CDH26: variants seen among roughly 807,000 people sequenced by gnomAD.
CDH26 encodes the protein cadherin-like protein 26.
A neutral mutation model predicts 90.3 loss-of-function variants in CDH26; 83 were observed. The ratio of observed to expected loss-of-function variants is 0.92; its 90% confidence interval spans 0.77 to 1.10. The LOEUF (loss-of-function observed/expected upper bound fraction) is 1.10, where lower values mean the gene tolerates loss of function less well. Ranked by LOEUF, CDH26 falls within the 50% of genes least tolerant of loss-of-function variation. CDH26 has a pLI of 0.00. For synonymous variants in CDH26, 397 were observed against 396.3 expected (o/e 1.00, Z -0.02); for missense variants, 1,013 against 1,037.6 (o/e 0.98, Z 0.33).
At chr20:59,976,080 A>G (rs1487321808) in intron 4 of CDH26, among the ~76,000 whole-genome samples, 1 of 152,226 alleles carries the variant, frequency 6.6e-6, no homozygotes, top group Non-Finnish European at 1.5e-5. Context: ...TCTCAAAATA[A>G]TTATTTGTTA....
At chr20:60,010,058 G>A (rs905201211) in intron 17 of CDH26, among the ~76,000 whole-genome samples, 21 of 152,062 alleles carry the variant, frequency 1.4e-4, no homozygotes, top group Admixed American at 1.3e-3. Context: ...CGCGCTTCTC[G>A]TGGGCACCAA....
At chr20:59,996,849 C>T (rs1317630437) in intron 13 of CDH26, 88 bp downstream of exon 13, 2 of 1,528,994 alleles carry the variant, frequency 1.3e-6, no homozygotes, top group African/African-American at 2.7e-5. Context: ...CATTGTGCCA[C>T]CTCTTAATTC....
chr20:59,989,159 A>T lies in CDH26; in HGVS notation c.1279A>T (p.Ile427Leu). The change falls in exon 9 of 18, where the codon ATA becomes TTA. Residue 427 changes from isoleucine to leucine, a missense_variant. By Grantham distance (5) the Ile-to-Leu change is conservative. Coordinates refer to ENST00000348616, the MANE Select transcript of CDH26 (RefSeq NM_177980.4). ...TAATGCCATGGATCCAGACAGCCAG[A>T]TAAGGTGAGAAGAGAGGGCCAAGAA... ...TFNAMDPDSQ[I>L]RYELVHDPAN... The T allele has an allele frequency of 1.9e-6, 3 of 1,614,174 alleles. No homozygotes were observed. Among genetic ancestry groups the T allele is most frequent in the Non-Finnish European group, 2.5e-6 (3 of 1,180,004 alleles).
rs2061998538 is a variant in CDH26 at position 60,026,427 on chromosome 20, G to GAGAGA, written c.948-4804_948-4803insAGAGA. The stretch of plus-strand genomic sequence containing the variant: ...GAGAGAGAGAGAGAGAGAGAGAGAG[G>GAGAGA]GAGAAGAGGAGGCAGAAGGGAGGTG... On this transcript the variant is annotated intron_variant, in intron 7 of 8. Transcript: ENST00000370991. Among the ~76,000 whole-genome samples the GAGAGA allele has an allele frequency of 2.7e-4, 31 of 116,880 alleles. 1 individual carries two copies. The highest frequency in any genetic ancestry group is 9.9e-4 in the African/African-American group (30 of 30,276). The allele number at this position is 116,880 out of a possible 152,430, so 76.7% of individuals were successfully genotyped here.
intron 7 of CDH26, chr20:60,031,122 C>T: frequency 9.9e-7 from 1 of 1,009,184 alleles, no homozygotes; most frequent in East Asian, 1.1e-4. Context: ...GTTGCCATGG[C>T]ATTTGTAAAC....
At chr20:59,995,565 G>A (rs1247518737) in intron 11 of CDH26, among the ~76,000 whole-genome samples, 1 of 152,208 alleles carries the variant, frequency 6.6e-6, no homozygotes, top group African/African-American at 2.4e-5. Context: ...TCTTTTCCCT[G>A]TAAAAAACGG....
intron 5 of CDH26, among the ~76,000 whole-genome samples, chr20:59,984,070 A>C (rs2061425321): frequency 6.6e-6 from 1 of 152,218 alleles, no homozygotes; most frequent in African/African-American, 2.4e-5. Context: ...AGAGATGTAG[A>C]CTTGCTGGTT....
intron 13 of CDH26, among the ~76,000 whole-genome samples, chr20:59,997,622 G>A (rs980810689): frequency 3.9e-5 from 6 of 152,242 alleles, no homozygotes; most frequent in Non-Finnish European, 7.3e-5. Flanking sequence ...AAAGCATTGT[G>A]AGCTCTCCTG....
chr20:59,982,234 G>A (rs1376152735), intron 4 of CDH26, among the ~76,000 whole-genome samples: 1 of 152,044 alleles, frequency 6.6e-6, no homozygotes. Context: ...ATGCGATTAC[G>A]TTGGTTACTT....
chr20:60,032,957 C>A (rs2062053520), intron 8 of CDH26, among the ~76,000 whole-genome samples: 1 of 151,650 alleles, frequency 6.6e-6, no homozygotes, highest in African/African-American at 2.4e-5. Context: ...ATGTAACTAA[C>A]CTGCACAATG....
chr20:59,966,533 TGCAAGTGCGTGA>T (rs1322721582), intron 1 of CDH26, among the ~76,000 whole-genome samples: 1 of 152,264 alleles, frequency 6.6e-6, no homozygotes, highest in Non-Finnish European at 1.5e-5. Context: ...TGGTTTTTCC[TGCAAGTGCGTGA>T]GCAAGTGCAT....
intron 1 of CDH26, among the ~76,000 whole-genome samples, chr20:59,965,878 A>AT (rs2061142308): frequency 6.6e-6 from 1 of 152,128 alleles, no homozygotes; most frequent in African/African-American, 2.4e-5. Context: ...CCTGCACATG[A>AT]TTTTAGAACA....
At chr20:60,024,511 A>T (rs1393161852) in intron 7 of CDH26, among the ~76,000 whole-genome samples, 8 of 152,230 alleles carry the variant, frequency 5.3e-5, no homozygotes, top group African/African-American at 1.7e-4. Context: ...CAAGTAACTT[A>T]TTACTTAGTT....
Position 59,994,302 on chromosome 20 carries a change from C to A in CDH26, c.1479C>A (p.Ile493=), listed in dbSNP as rs760726070. 2 of 1,613,864 alleles carry A rather than the reference C, an allele frequency of 1.2e-6. No homozygotes were observed. Among genetic ancestry groups the A allele is most frequent in the African/African-American group, 2.7e-5 (2 of 74,832 alleles). The part of the protein sequence containing the change: ...TGTLMLFLSD[I]NDNVPTLRPR... The stretch of plus-strand genomic sequence containing the variant: ...CCCTAATGCTCTTCCTGTCTGACAT[C>A]AATGACAACGTCCCGACTCTCCGGC... The change falls in exon 11 of 18, where the codon ATC becomes ATA. Residue 493 remains isoleucine, a synonymous_variant. Transcript: ENST00000348616.
intron 1 of CDH26, among the ~76,000 whole-genome samples, chr20:59,960,084 C>A (rs555192687): frequency 1.3e-5 from 2 of 152,118 alleles, no homozygotes; most frequent in African/African-American, 4.8e-5. Context: ...CTTCACAGCC[C>A]GCTGGGGACC....
chr20:59,999,492 T>G, intron 13 of CDH26, 94 bp from the exon 14 acceptor site: 1 of 1,023,406 alleles, frequency 9.8e-7, no homozygotes, highest in Non-Finnish European at 1.5e-6. Flanking sequence ...AGATACAATG[T>G]GTTTTGGAGA....
chr20:60,006,905 C>A, intron 17 of CDH26, 118 bp downstream of exon 17: 1 of 736,950 alleles, frequency 1.4e-6, no homozygotes, highest in South Asian at 1.6e-5. Context: ...CTAAGGCTGC[C>A]ATAATAAAAT....
At position 59,987,593 on chromosome 20, in the gene CDH26, T is replaced by C; in HGVS notation, c.978T>C (p.Ile326=). Residue 326 remains isoleucine (I), a synonymous_variant, in exon 8 of 18, where the codon ATT becomes ATC. Coordinates refer to ENST00000348616, the MANE Select transcript of CDH26 (RefSeq NM_177980.4). ...GCAATGAAGAGGGGCATTTTGACAT[T>C]TCGACTGACCCTGAGACCAACGAAG... ...LHGNEEGHFD[I]STDPETNEGI... 1 of 1,613,874 alleles carries C rather than the reference T, an allele frequency of 6.2e-7. No homozygotes were observed. Among genetic ancestry groups the C allele is most frequent in the Middle Eastern group, 1.7e-4 (1 of 6,058 alleles).
downstream of CDH26, among the ~76,000 whole-genome samples, chr20:60,018,231 G>C (rs2061921822): frequency 6.6e-6 from 1 of 151,926 alleles, no homozygotes; most frequent in East Asian, 1.9e-4. Flanking sequence ...TTGTATTGGG[G>C]CTTATTTCTG....
Sources: gnomAD v4.1 joint callset for allele counts (sites outside exome capture counted in the v4.1 genomes callset) on GRCh38, gnomAD v4.1.1 for gene constraint, MANE v1.5 for transcripts, NCBI Gene and HGNC (gene_info 2026-07-23, HGNC 2026-07-21) for gene names.